The following PWWP3A variants were observed in gnomAD, a reference collection of about 807,000 sequenced individuals.
PWWP3A encodes PWWP domain containing 3A, DNA repair factor, also known as PWWP domain-containing DNA repair factor 3A.
Under a neutral mutation model 79.0 loss-of-function variants are expected in PWWP3A, and 53 were observed. The observed-to-expected ratio is 0.67, with a 90% CI of 0.54 to 0.84. PWWP3A has a LOEUF of 0.84. PWWP3A is among the 40% of genes least tolerant of loss of function. The probability of loss-of-function intolerance (pLI) is 0.00; values close to 1 mark genes in which losing one functional copy is unlikely to be tolerated. For missense variants in PWWP3A, 973 were observed against 948.0 expected, an observed-to-expected ratio of 1.03 and a Z score of -0.35; for synonymous variants, 443 against 394.4, an observed-to-expected ratio of 1.12 and a Z score of -1.46.
chr19:1,372,607 A>G (rs1468947259), intron 12 of PWWP3A: 2 of 152,468 alleles, frequency 1.3e-5, no homozygotes, highest in Non-Finnish European at 2.9e-5. Flanking sequence ...AAATACAAAA[A>G]TTAGCTGGGC....
chr19:1,375,200 TGACAGA>T (rs2082339005), intron 13 of PWWP3A, among the ~76,000 whole-genome samples: 1 of 147,030 alleles, frequency 6.8e-6, no homozygotes, highest in Non-Finnish European at 1.5e-5. Flanking sequence ...TCCAGCCTGG[TGACAGA>T]GCGAGACTCC....
chr19:1,368,079 C>T lies in PWWP3A; in HGVS notation c.1422+859C>T, dbSNP rs960915850. 6.6e-6 allele frequency among the ~76,000 whole-genome samples: 1 copy of T among 152,146 alleles called. No homozygotes were observed. Among genetic ancestry groups the T allele is most frequent in the African/African-American group, 2.4e-5 (1 of 41,426 alleles). On this transcript the variant is annotated intron_variant, in intron 9 of 13. Coordinates refer to ENST00000591337, the MANE Select transcript of PWWP3A (RefSeq NM_001369789.1). The surrounding 1 kb of genome is among the most constrained non-coding windows in gnomAD (Gnocchi z 4.7). ...AGCTGGGACTACAGGCAGGCACCAG[C>T]ACACCCGGCTAATTTTTGTATTTTT... is the stretch of plus-strand genomic sequence containing the variant.
At chr19:1,355,765 C>T (rs112435184) in intron 1 of PWWP3A, among the ~76,000 whole-genome samples, 4,653 of 151,736 alleles carry the variant, frequency 0.031, 149 homozygotes, top group African/African-American at 0.085. Context: ...GCGGGGACGC[C>T]CCCCTCCGTT....
chr19:1,361,713 G>A (rs746919295), intron 5 of PWWP3A, among the ~76,000 whole-genome samples: 54 of 152,032 alleles, frequency 3.6e-4, no homozygotes, highest in Admixed American at 4.6e-4. Context: ...AGGTTGCCAC[G>A]CTCTGAAGAC....
chr19:1,375,682 A>C (rs2082370125), intron 13 of PWWP3A, among the ~76,000 whole-genome samples: 1 of 130,598 alleles, frequency 7.7e-6, no homozygotes, highest in South Asian at 2.3e-4. Flanking sequence ...GTACAATTTT[A>C]TAATATATAA....
chr19:1,376,405 C>T (rs751755086), intron 13 of PWWP3A, 114 bp from the exon 14 acceptor site: 7 of 919,544 alleles, frequency 7.6e-6, no homozygotes, highest in East Asian at 6.3e-5. Flanking sequence ...CCGCCTGCCT[C>T]GGCCTCCCAA....
intron 4 of PWWP3A, chr19:1,359,835 A>G (rs924813291): frequency 7.9e-6 from 2 of 252,392 alleles, no homozygotes; most frequent in Admixed American, 5.3e-5. Context: ...ATTTGAATAC[A>G]TTTTGCTCAC....
rs1188061862 is a variant in PWWP3A at position 1,360,531 on chromosome 19, T to A, written c.610T>A (p.Ser204Thr). 1 of 1,613,990 alleles carries A rather than the reference T, an allele frequency of 6.2e-7. No individual in the cohort carries two copies. The highest frequency in any genetic ancestry group is 8.5e-7 in the Non-Finnish European group (1 of 1,180,018). ...AGGGAQDESG[S>T]RIHHKNWTLA... is the part of the protein sequence containing the mutation. The stretch of plus-strand genomic sequence containing the variant: ...AGGTGGTGCCCAAGATGAGAGTGGG[T>A]CCAGAATCCACCACAAAAATTGGAC... The change falls in exon 5 of 14, where the codon TCC becomes ACC. Residue 204 changes from serine to threonine, a missense_variant. By Grantham distance (58) the Ser-to-Thr change is moderately conservative. Coordinates refer to ENST00000591337, the MANE Select transcript of PWWP3A (RefSeq NM_001369789.1). The surrounding 1 kb of genome is among the most constrained non-coding windows in gnomAD (Gnocchi z 4.4).
chr19:1,366,219 G>C (rs2082125399), intron 7 of PWWP3A, 86 bp from the exon 8 acceptor site: 4 of 1,340,078 alleles, frequency 3.0e-6, no homozygotes, highest in Middle Eastern at 1.8e-4. Context: ...GCGCCTGTTA[G>C]ATGTATCATG....
chr19:1,369,344 C>A lies in PWWP3A; in HGVS notation c.1498+4C>A. 1.2e-6 allele frequency: 2 copies of A among 1,613,008 alleles called. No homozygotes were observed. The highest frequency in any genetic ancestry group is 2.7e-5 in the African/African-American group (2 of 75,010). On this transcript the variant is annotated splice_donor_region_variant and intron_variant, in intron 10 of 13. Transcript: ENST00000591337. This position sits in a 1 kb window ranked among gnomAD's most constrained non-coding sequence, Gnocchi z 4.0. ...ACCGACTACAGGGTCCGGTTAGGTA[C>A]GTGGGGTGCTGGGGAGGGGTGGAGC...
intron 12 of PWWP3A, chr19:1,371,547 CTG>C (rs1568956887): frequency 1.6e-6 from 1 of 611,584 alleles, no homozygotes; most frequent in Non-Finnish European, 2.9e-6. Context: ...ATTAGACTGT[CTG>C]TGATTTCGAA....
intron 4 of PWWP3A, chr19:1,359,916 T>C: frequency 2.2e-6 from 1 of 464,408 alleles, no homozygotes; most frequent in South Asian, 6.1e-5. Context: ...ATTTGGTTTT[T>C]AAAAAAATGA....
In PWWP3A at chr19:1,368,456, T is replaced by C. The variant is rs1434213948; in HGVS notation, c.1423-809T>C. On this transcript the variant is annotated intron_variant, in intron 9 of 13. Coordinates refer to ENST00000591337, the MANE Select transcript of PWWP3A (RefSeq NM_001369789.1). This position sits in a 1 kb window ranked among gnomAD's most constrained non-coding sequence, Gnocchi z 4.7. ...GGTAGTCACCGTGGCTTCTGAGGGA[T>C]GATATTGGGGAAGCCGTGCTTTAGG... Among the ~76,000 whole-genome samples, 2 of 152,004 alleles carry C rather than the reference T, an allele frequency of 1.3e-5. No homozygotes were observed. Among genetic ancestry groups the C allele is most frequent in the African/African-American group, 4.8e-5 (2 of 41,372 alleles).
intron 4 of PWWP3A, 36 bp downstream of exon 4, chr19:1,358,500 A>T (rs2081935518): frequency 1.9e-6 from 3 of 1,610,914 alleles, no homozygotes; most frequent in Non-Finnish European, 2.5e-6. Flanking sequence ...CTAGGTTTTC[A>T]TAAAATAAGA....
rs149650846 is a variant in PWWP3A, at chr19:1,357,023, C to T, written c.72C>T (p.Thr24=). 59 of 1,613,000 alleles carry T rather than the reference C, an allele frequency of 3.7e-5. No individual in the cohort carries two copies. Among genetic ancestry groups the T allele is most frequent in the East Asian group, 1.8e-4 (8 of 44,874 alleles). Reference sequence around the variant, plus strand: ...TTTAAATGTAGGTTTTGGCCCGAACCGCGACTTCAACAAAAAATAAGAGAA... The same window carrying T: ...TTTAAATGTAGGTTTTGGCCCGAACTGCGACTTCAACAAAAAATAAGAGAA... ...RLWPAKVLAR[T]ATSTKNKRRK... The change falls in exon 3 of 14, where the codon ACC becomes ACT. Residue 24 remains threonine, a synonymous_variant. Coordinates refer to ENST00000591337, the MANE Select transcript of PWWP3A (RefSeq NM_001369789.1).
intron 11 of PWWP3A, among the ~76,000 whole-genome samples, chr19:1,370,321 GT>G: frequency 6.6e-6 from 1 of 152,238 alleles, no homozygotes; most frequent in East Asian, 1.9e-4. Flanking sequence ...CAGTAGTGGA[GT>G]TTTCCATGCC....
At chr19:1,375,102 A>C (rs1183723350) in intron 13 of PWWP3A, among the ~76,000 whole-genome samples, 1 of 150,818 alleles carries the variant, frequency 6.6e-6, no homozygotes, top group South Asian at 2.1e-4. Flanking sequence ...GCCTATAGTC[A>C]GTCCCAGCTA....
At chr19:1,372,988 G>A in intron 12 of PWWP3A, 84 bp from the exon 13 acceptor site, 6 of 1,173,550 alleles carry the variant, frequency 5.1e-6, no homozygotes, top group Non-Finnish European at 7.5e-6. Flanking sequence ...GGTGACCCAG[G>A]CTCCCTGCGG....
chr19:1,358,684 G>A (rs996773140), intron 4 of PWWP3A: 24 of 1,522,266 alleles, frequency 1.6e-5, no homozygotes, highest in African/African-American at 4.1e-5. Context: ...TATTCTTGAC[G>A]CCCAGAATGG....
Sources: gnomAD v4.1 joint callset for allele counts (sites outside exome capture counted in the v4.1 genomes callset) on GRCh38, gnomAD v4.1.1 for gene constraint, Gnocchi (gnomAD v3.1) non-coding constraint, MANE v1.5 for transcripts, NCBI Gene and HGNC (gene_info 2026-07-23, HGNC 2026-07-21) for gene names.